The following DDX31 variants were observed in gnomAD, a reference collection of about 807,000 sequenced individuals.
The protein encoded by DDX31 is DEAD-box helicase 31, also known as ATP-dependent DNA helicase DDX31.
DDX31 carries 70 observed loss-of-function variants against 91.3 expected under a neutral mutation model. The ratio of observed to expected loss-of-function variants is 0.77; its 90% confidence interval spans 0.63 to 0.94. The LOEUF (loss-of-function observed/expected upper bound fraction) is 0.94, where lower values mean the gene tolerates loss of function less well. Ranked by LOEUF, DDX31 falls within the 40% of genes least tolerant of loss-of-function variation. DDX31 has a pLI of 0.00. For synonymous variants in DDX31, 362 were observed against 350.6 expected, an observed-to-expected ratio of 1.03 and a Z score of -0.36; for missense variants, 902 against 925.0, an observed-to-expected ratio of 0.98 and a Z score of 0.32.
At chr9:132,630,463 G>A (rs537457236) in intron 15 of DDX31, 60 bp from the exon 16 acceptor site, 4 of 1,500,258 alleles carry the variant, frequency 2.7e-6, no homozygotes, top group Middle Eastern at 1.8e-4. Context: ...TTAATTGGAA[G>A]TGCAATACTC....
At chr9:132,665,811 T>C (rs1835268273) in intron 1 of DDX31, among the ~76,000 whole-genome samples, 1 of 152,236 alleles carries the variant, frequency 6.6e-6, no homozygotes, top group South Asian at 2.1e-4. Context: ...TTCTCTCATT[T>C]ATCAACACAG....
intron 1 of DDX31, among the ~76,000 whole-genome samples, chr9:132,668,710 G>GGCGCCCACCACC (rs1205804383): frequency 6.6e-6 from 1 of 151,992 alleles, no homozygotes; most frequent in African/African-American, 2.4e-5. Flanking sequence ...TGGGACTACA[G>GGCGCCCACCACC]GCGCCCACCA....
chr9:132,619,248 T>C (rs1314809351), intron 17 of DDX31, among the ~76,000 whole-genome samples: 1 of 152,250 alleles, frequency 6.6e-6, no homozygotes, highest in Non-Finnish European at 1.5e-5. Context: ...GTCTCCAATA[T>C]CGTAAAACAA....
At chr9:132,625,101 A>T (rs1832315707) in intron 17 of DDX31, among the ~76,000 whole-genome samples, 1 of 152,154 alleles carries the variant, frequency 6.6e-6, no homozygotes, top group Non-Finnish European at 1.5e-5. Flanking sequence ...GCCTTAAGAG[A>T]AGGAGCAGGA....
intron 4 of DDX31, 52 bp downstream of exon 4, chr9:132,661,156 C>T (rs538268218): frequency 1.2e-5 from 19 of 1,530,898 alleles, no homozygotes; most frequent in Middle Eastern, 1.7e-4. Flanking sequence ...AGGTTTCGTC[C>T]GGTTATACCC....
chr9:132,620,652 C>T (rs1831969274), intron 17 of DDX31, among the ~76,000 whole-genome samples: 1 of 152,076 alleles, frequency 6.6e-6, no homozygotes, highest in Non-Finnish European at 1.5e-5. Flanking sequence ...TAAAATTGCC[C>T]CTCTTGAGAA....
chr9:132,650,878 T>G (rs539764289), intron 8 of DDX31, among the ~76,000 whole-genome samples, 197 bp downstream of exon 8: 1 of 152,266 alleles, frequency 6.6e-6, no homozygotes, highest in African/African-American at 2.4e-5. Flanking sequence ...GCACCAGGAG[T>G]CACTGATAAT....
chr9:132,632,270 A>ACACACACACACACACACAGTCCTG (rs1564305916), intron 14 of DDX31, among the ~76,000 whole-genome samples, 179 bp from the exon 15 acceptor site: 16 of 145,648 alleles, frequency 1.1e-4, no homozygotes, highest in Non-Finnish European at 2.1e-4. Context: ...ACACACACAC[A>ACACACACACACACACACAGTCCTG]CACACACACA....
intron 14 of DDX31, among the ~76,000 whole-genome samples, chr9:132,641,089 T>C (rs962095431): frequency 6.6e-6 from 1 of 152,280 alleles, no homozygotes; most frequent in Non-Finnish European, 1.5e-5. Flanking sequence ...AGCACACATA[T>C]ATAAACACAC....
chr9:132,659,838 A>G, intron 4 of DDX31, 58 bp from the exon 5 acceptor site: 2 of 1,547,146 alleles, frequency 1.3e-6, no homozygotes, highest in Non-Finnish European at 1.8e-6. Context: ...ACTGGCAGAG[A>G]CGCAGGATAC....
chr9:132,648,522 GAGATA>G lies in DDX31; in HGVS notation c.765_769del (p.Ile256AsnfsTer18). 6.2e-7 allele frequency: 1 copy of G among 1,613,096 alleles called. No homozygotes were observed. The highest frequency in any genetic ancestry group is 8.5e-7 in the Non-Finnish European group (1 of 1,179,706). Reference sequence around the variant, plus strand: ...ATGATCCACCAGGCGTCCAGGAGTTGAGATAAGGATATTTATTCCTTTGCGGAGTC... The same window carrying G: ...ATGATCCACCAGGCGTCCAGGAGTTGAGGATATTTATTCCTTTGCGGAGTC... On this transcript the variant is annotated frameshift_variant, in exon 10 of 20. Coordinates refer to ENST00000372159, the MANE Select transcript of DDX31 (RefSeq NM_022779.9). LOFTEE classifies it high-confidence loss of function.
At chr9:132,600,431 T>A (rs936055369) in intron 19 of DDX31, among the ~76,000 whole-genome samples, 14 of 151,922 alleles carry the variant, frequency 9.2e-5, no homozygotes, top group African/African-American at 2.2e-4. Flanking sequence ...CAGAGGCTGG[T>A]GAAAAGTGGA....
rs1471388448 is a variant in DDX31 at position 132,648,502 on chromosome 9, C to A, written c.790G>T (p.Asp264Tyr). Reference sequence around the variant, plus strand: ...ATGTTCTTTGTGGATTTTATATGATCCACCAGGCGTCCAGGAGTTGAGATA... The same window carrying A: ...ATGTTCTTTGTGGATTTTATATGATACACCAGGCGTCCAGGAGTTGAGATA... ...ILISTPGRLV[D>Y]HIKSTKNIHF... Residue 264 changes from aspartate to tyrosine, a missense_variant, in exon 10 of 20, where the codon GAT becomes TAT. Asp to Tyr is a radical substitution (Grantham distance 160). Coordinates refer to ENST00000372159, the MANE Select transcript of DDX31 (RefSeq NM_022779.9). 4 of 1,613,900 alleles carry A rather than the reference C, an allele frequency of 2.5e-6. No individual in the cohort carries two copies. The highest frequency in any genetic ancestry group is 3.4e-6 in the Non-Finnish European group (4 of 1,179,966).
chr9:132,667,097 C>T (rs1246725687), intron 1 of DDX31, among the ~76,000 whole-genome samples: 3 of 151,794 alleles, frequency 2.0e-5, no homozygotes, highest in Non-Finnish European at 4.4e-5. Context: ...GATCTGCCTG[C>T]CTCGGCCTCC....
At chr9:132,633,180 G>A (rs372163351) in intron 14 of DDX31, among the ~76,000 whole-genome samples, 2 of 152,134 alleles carry the variant, frequency 1.3e-5, no homozygotes, top group Non-Finnish European at 2.9e-5. Flanking sequence ...AATAATCCTC[G>A]AATCCAGGTC....
At chr9:132,599,415 T>C (rs1439879180) in intron 19 of DDX31, among the ~76,000 whole-genome samples, 1 of 152,220 alleles carries the variant, frequency 6.6e-6, no homozygotes, top group Non-Finnish European at 1.5e-5. Context: ...TACATAAATC[T>C]GTATGCCTGT....
chr9:132,614,032 G>T (rs1480154945), intron 18 of DDX31, among the ~76,000 whole-genome samples: 4 of 152,174 alleles, frequency 2.6e-5, no homozygotes, highest in African/African-American at 9.7e-5. Context: ...CTGAATGCCA[G>T]CCTTCGCTTC....
Position 132,637,375 on chromosome 9 carries a change from C to A in DDX31, c.1440+4629G>T, listed in dbSNP as rs1183607145. Among the ~76,000 whole-genome samples, 3 of 152,250 alleles carry A rather than the reference C, an allele frequency of 2.0e-5. No homozygotes were observed. The East Asian group carries it at 5.8e-4, about 29-fold the overall frequency. ...TTCTGAAAGACACTCAACGGTGAGGCCTTGAAGGCCCTGGGCCTGACAATT... is the reference window on the plus strand; with the variant it reads ...TTCTGAAAGACACTCAACGGTGAGGACTTGAAGGCCCTGGGCCTGACAATT... On this transcript the variant is annotated intron_variant, in intron 14 of 19. Transcript: ENST00000372159.
At position 132,651,426 on chromosome 9, in the gene DDX31, C is replaced by A. The variant is rs1316614713; in HGVS notation, c.634-310G>T. On this transcript the variant is annotated intron_variant, in intron 7 of 19. Transcript: ENST00000372159. The stretch of plus-strand genomic sequence containing the variant: ...AGTTCAAGTCTGTGGTGCACAAAAA[C>A]GTAAGAGAATGAAACAAAGTAACCT... Among the ~76,000 whole-genome samples the A allele has an allele frequency of 3.3e-5, 5 of 152,086 alleles. No individual in the cohort carries two copies. In the South Asian group the frequency reaches 1.0e-3, roughly 32 times the overall value.
Sources: allele counts gnomAD v4.1 joint callset (sites outside exome capture counted in the v4.1 genomes callset), GRCh38; gene constraint gnomAD v4.1.1; transcripts MANE v1.5; gene names NCBI Gene and HGNC (gene_info 2026-07-23, HGNC 2026-07-21).